PCDHGA1: variants seen among roughly 807,000 people sequenced by gnomAD.
The protein encoded by PCDHGA1 is protocadherin gamma-A1.
PCDHGA1 carries 32 observed loss-of-function variants against 58.0 expected under a neutral mutation model. The observed-to-expected ratio is 0.55, with a 90% CI of 0.42 to 0.74. The LOEUF (loss-of-function observed/expected upper bound fraction) is 0.74, where lower values mean the gene tolerates loss of function less well. Ranked by LOEUF, PCDHGA1 falls within the 30% of genes least tolerant of loss-of-function variation. The probability of loss-of-function intolerance (pLI) is 0.00; values close to 1 mark genes in which losing one functional copy is unlikely to be tolerated. For synonymous variants in PCDHGA1, 498 were observed against 501.1 expected (o/e 0.99, Z 0.08); for missense variants, 1,205 against 1,182.3 (o/e 1.02, Z -0.28).
At chr5:141,372,236 C>T (rs777727544) in intron 1 of PCDHGA1, 44 of 1,613,204 alleles carry the variant, frequency 2.7e-5, no homozygotes, top group Non-Finnish European at 3.6e-5. Flanking sequence ...CCAGCGAGCC[C>T]GGGCTGTTCA....
intron 1 of PCDHGA1, chr5:141,362,464 G>A: frequency 3.1e-6 from 5 of 1,614,038 alleles, no homozygotes; most frequent in Non-Finnish European, 3.4e-6. Context: ...ATTGGTTCCC[G>A]CGCAAGATCT....
chr5:141,485,221 C>G lies in PCDHGA1; in HGVS notation c.2422-9586C>G. ...GGACAGAAATCTGGCGGTGGGCTACCCTTTTGTTCCTCTTTTACCACCTGG... is the reference window on the plus strand; with the variant it reads ...GGACAGAAATCTGGCGGTGGGCTACGCTTTTGTTCCTCTTTTACCACCTGG... On this transcript the variant is annotated intron_variant, in intron 1 of 3. Transcript: ENST00000517417. The surrounding 1 kb of genome is among the most constrained non-coding windows in gnomAD (Gnocchi z 5.7). The G allele has an allele frequency of 6.2e-7, 1 of 1,614,118 alleles. No individual in the cohort carries two copies. Among genetic ancestry groups the G allele is most frequent in the Non-Finnish European group, 8.5e-7 (1 of 1,180,010 alleles).
chr5:141,478,146 T>C (rs1457995929), intron 1 of PCDHGA1: 1 of 1,613,978 alleles, frequency 6.2e-7, no homozygotes, highest in Non-Finnish European at 8.5e-7. Context: ...CGAGCCGAGT[T>C]CCCCTCTGGC....
intron 2 of PCDHGA1, among the ~76,000 whole-genome samples, chr5:141,499,214 C>T (rs1228581603): frequency 6.6e-6 from 1 of 152,074 alleles, no homozygotes; most frequent in Non-Finnish European, 1.5e-5. Flanking sequence ...TAACCCAGGC[C>T]CTGCCCTGCA....
chr5:141,511,265 A>C lies in PCDHGA1; in HGVS notation c.*92A>C. The C allele has an allele frequency of 6.4e-7, 1 of 1,551,730 alleles. No individual in the cohort carries two copies. Among genetic ancestry groups the C allele is most frequent in the Non-Finnish European group, 8.7e-7 (1 of 1,148,178 alleles). ...ACCCAGGCCTCAGAGTTTCAGGGCT[A>C]ACCCCCAGAATACTGGTAGGGGCCA... On this transcript the variant is annotated 3_prime_UTR_variant, in exon 4 of 4. Coordinates refer to ENST00000517417, the MANE Select transcript of PCDHGA1 (RefSeq NM_018912.3).
chr5:141,421,567 A>G (rs1202908091), intron 1 of PCDHGA1: 27 of 1,613,972 alleles, frequency 1.7e-5, no homozygotes, highest in Non-Finnish European at 2.2e-5. Context: ...CGTGGAAGAC[A>G]CCTTGAAGAT....
At chr5:141,357,565 G>C in intron 1 of PCDHGA1, 1 of 1,614,186 alleles carries the variant, frequency 6.2e-7, no homozygotes, top group East Asian at 2.2e-5. Context: ...TGAGAAAAGC[G>C]AGCCTCTTCT....
At chr5:141,461,614 T>G (rs954890718) in intron 1 of PCDHGA1, among the ~76,000 whole-genome samples, 11 of 152,208 alleles carry the variant, frequency 7.2e-5, no homozygotes, top group Non-Finnish European at 1.2e-4. Flanking sequence ...TTCAAAGTAT[T>G]TTCTAATACA....
intron 1 of PCDHGA1, chr5:141,366,264 C>A (rs1421059468): frequency 6.2e-7 from 1 of 1,613,686 alleles, no homozygotes; most frequent in Non-Finnish European, 8.5e-7. Flanking sequence ...CTCGTGGTGG[C>A]CGTCGAAGAC....
intron 1 of PCDHGA1, among the ~76,000 whole-genome samples, chr5:141,425,350 A>G (rs926657846): frequency 6.6e-6 from 1 of 152,194 alleles, no homozygotes; most frequent in Non-Finnish European, 1.5e-5. Context: ...TGGCTTTGAA[A>G]TGTGATATTA....
chr5:141,413,721 C>T (rs779673406), intron 1 of PCDHGA1: 1 of 1,613,592 alleles, frequency 6.2e-7, no homozygotes, highest in South Asian at 1.1e-5. Context: ...ATAAGCACTT[C>T]TCCCTAAGAG....
In PCDHGA1 at chr5:141,482,843, G is replaced by T. The variant is rs1005014887; in HGVS notation, c.2422-11964G>T. On this transcript the variant is annotated intron_variant, in intron 1 of 3. Transcript: ENST00000517417. ...TCCTAGCACTTTGGGAGGCCAAGGT[G>T]GGCAGATCACTTGAGGTCAGGAGTT... Among the ~76,000 whole-genome samples the T allele has an allele frequency of 4.3e-5, 6 of 140,152 alleles. No homozygotes were observed. The South Asian group carries it at 8.6e-4, about 20-fold the overall frequency. 91.9% of individuals were successfully genotyped at this position (140,152 alleles called of 152,430 possible).
chr5:141,407,390 G>T (rs2094924861), intron 1 of PCDHGA1, among the ~76,000 whole-genome samples: 1 of 152,164 alleles, frequency 6.6e-6, no homozygotes, highest in Non-Finnish European at 1.5e-5. Flanking sequence ...GTATGTCATG[G>T]TAGGTAGTTA....
At chr5:141,502,274 A>G (rs573517581) in intron 2 of PCDHGA1, among the ~76,000 whole-genome samples, 18 of 152,128 alleles carry the variant, frequency 1.2e-4, no homozygotes, top group African/African-American at 4.1e-4. Context: ...ATCAAGGAGC[A>G]TAGATTGCAT....
chr5:141,491,685 G>A lies in PCDHGA1; in HGVS notation c.2422-3122G>A. 1 of 1,613,164 alleles carries A rather than the reference G, an allele frequency of 6.2e-7. No individual in the cohort carries two copies. The highest frequency in any genetic ancestry group is 8.5e-7 in the Non-Finnish European group (1 of 1,179,646). On this transcript the variant is annotated intron_variant, in intron 1 of 3. Transcript: ENST00000517417. The surrounding 1 kb of genome is among the most constrained non-coding windows in gnomAD (Gnocchi z 6.9). ...CCATCCGGTCCCGCTCTAATACGCTGCGGGAGCGGAGCCAGGTGAGGGGCT... is the reference window on the plus strand; with the variant it reads ...CCATCCGGTCCCGCTCTAATACGCTACGGGAGCGGAGCCAGGTGAGGGGCT...
chr5:141,372,196 A>G lies in PCDHGA1; in HGVS notation c.2421+39091A>G, dbSNP rs1362728407. ...GCGGTGGACGCAGACTCGGGATACA[A>G]CGCCTGGCTGTCCTACCACATTGTG... On this transcript the variant is annotated intron_variant, in intron 1 of 3. Coordinates refer to ENST00000517417, the MANE Select transcript of PCDHGA1 (RefSeq NM_018912.3). 8 of 1,613,504 alleles carry G rather than the reference A, an allele frequency of 5.0e-6. No individual in the cohort carries two copies. The East Asian group carries it at 1.3e-4, about 27-fold the overall frequency.
intron 1 of PCDHGA1, among the ~76,000 whole-genome samples, chr5:141,358,037 A>G (rs1416224011): frequency 6.6e-6 from 1 of 152,124 alleles, no homozygotes; most frequent in Non-Finnish European, 1.5e-5. Flanking sequence ...TAAAATACAA[A>G]AAGTTAGCTA....
chr5:141,385,573 C>T lies in PCDHGA1; in HGVS notation c.2421+52468C>T, dbSNP rs576834153. 10 of 1,295,026 alleles carry T rather than the reference C, an allele frequency of 7.7e-6. No individual in the cohort carries two copies. In the East Asian group the frequency reaches 2.7e-4, roughly 35 times the overall value. The allele number at this position is 1,295,026 out of a possible 1,614,324, so 80.2% of individuals were successfully genotyped here. On this transcript the variant is annotated intron_variant, in intron 1 of 3. Coordinates refer to ENST00000517417, the MANE Select transcript of PCDHGA1 (RefSeq NM_018912.3). Reference sequence around the variant, plus strand: ...ACATTTTATAATTTCCACCTACTTTCCAATCTATGTTCCAACCTACTTTCT... The same window carrying T: ...ACATTTTATAATTTCCACCTACTTTTCAATCTATGTTCCAACCTACTTTCT...
chr5:141,352,154 G>A (rs770780067), intron 1 of PCDHGA1: 4 of 1,612,750 alleles, frequency 2.5e-6, no homozygotes, highest in Non-Finnish European at 3.4e-6. Flanking sequence ...GGGCGACAGG[G>A]ACGCGGCCCG....
Sources: allele counts gnomAD v4.1 joint callset (sites outside exome capture counted in the v4.1 genomes callset), GRCh38; gene constraint gnomAD v4.1.1; non-coding constraint Gnocchi (gnomAD v3.1); transcripts MANE v1.5; gene names NCBI Gene and HGNC (gene_info 2026-07-23, HGNC 2026-07-21).